PTCH1: variants seen among roughly 807,000 people sequenced by gnomAD.
PTCH1 encodes protein patched homolog 1.
Under a neutral mutation model 144.6 loss-of-function variants are expected in PTCH1, and 14 were observed. That is an observed-to-expected ratio of 0.10 (90% confidence interval 0.06 to 0.15). The LOEUF (loss-of-function observed/expected upper bound fraction) is 0.15. PTCH1 is among the 10% of genes least tolerant of loss of function. The probability of loss-of-function intolerance (pLI) is 1.00; values close to 1 mark genes in which losing one functional copy is unlikely to be tolerated. For missense variants in PTCH1, 1,623 were observed against 1,948.3 expected (o/e 0.83, Z 3.14); for synonymous variants, 833 against 793.6 (o/e 1.05, Z -0.83).
intron 2 of PTCH1, among the ~76,000 whole-genome samples, chr9:95,496,081 C>T (rs551693226): frequency 6.6e-6 from 1 of 152,314 alleles, no homozygotes; most frequent in East Asian, 1.9e-4. Flanking sequence ...GCTTTGGCGG[C>T]CCTGACCTGC....
intron 5 of PTCH1, 34 bp downstream of exon 5, chr9:95,481,915 T>C (rs771502171): frequency 6.5e-7 from 1 of 1,532,968 alleles, no homozygotes; most frequent in Non-Finnish European, 9.0e-7. Context: ...CCTAGAGAAG[T>C]CACAGACATC....
intron 1 of PTCH1, chr9:95,507,349 CTCCCCGGCGCGGCATT>C (rs1030015199): frequency 6.4e-5 from 63 of 985,530 alleles, no homozygotes; most frequent in African/African-American, 4.9e-4. Context: ...GCGCAGGCTG[CTCCCCGGCGCGGCATT>C]TCCCCGGCGC....
intron 1 of PTCH1, chr9:95,514,647 T>TGTGTGTGTGAGAGAGA (rs56689083): frequency 4.0e-5 from 6 of 148,800 alleles, no homozygotes; most frequent in African/African-American, 1.5e-4. Context: ...TGTGTGTGTG[T>TGTGTGTGTGAGAGAGA]GAGAGAGAGA....
At chr9:95,474,382 C>T (rs3824488) in intron 12 of PTCH1, among the ~76,000 whole-genome samples, 9,876 of 152,170 alleles carry the variant, frequency 0.065, 454 homozygotes, top group Non-Finnish European at 0.094. Context: ...CGCACAAAGG[C>T]ATTCTACAAC....
rs116438693 is a variant in PTCH1 at position 95,507,319 on chromosome 9, A to G, written c.202-720T>C. On this transcript the variant is annotated intron_variant, in intron 1 of 23. Transcript: ENST00000331920. ...TTAAACGTAAAAAACAGCCGAGTGC[A>G]AAGGGAAGGGCTCAGGCCGGCGCAG... 14 of 985,378 alleles carry G rather than the reference A, an allele frequency of 1.4e-5. No individual in the cohort carries two copies. In the South Asian group the frequency reaches 6.6e-4, roughly 46 times the overall value. The allele number at this position is 985,378 out of a possible 1,614,324, so 61.0% of individuals were successfully genotyped here. A position where few individuals can be genotyped will look rare whatever the true frequency, so the allele number is the denominator to read the frequency against.
At chr9:95,478,306 A>C in intron 8 of PTCH1, 120 bp from the exon 9 acceptor site, 1 of 1,461,192 alleles carries the variant, frequency 6.8e-7, no homozygotes, top group Non-Finnish European at 9.5e-7. Context: ...TTTTTTAAAA[A>C]AGTTCTACGT....
intron 23 of PTCH1, 113 bp downstream of exon 23, chr9:95,446,798 G>A: frequency 7.2e-7 from 1 of 1,388,460 alleles, no homozygotes; most frequent in African/African-American, 1.4e-5. Flanking sequence ...GGTCCAGCGT[G>A]GGATGTGCCC....
intron 3 of PTCH1, 131 bp downstream of exon 3, chr9:95,485,554 G>T: frequency 9.2e-7 from 1 of 1,088,180 alleles, no homozygotes; most frequent in Non-Finnish European, 1.3e-6. Context: ...TCATTGCAAA[G>T]CTATTTGAAC....
rs1266956617 is a variant in PTCH1, at chr9:95,443,154, A to C, written c.*3239T>G. The C allele has an allele frequency of 1.3e-5, 2 of 152,208 alleles. No homozygotes were observed. The highest frequency in any genetic ancestry group is 4.8e-5 in the African/African-American group (2 of 41,452). The allele number at this position is 152,208 out of a possible 1,614,324, so 9.4% of individuals were successfully genotyped here. ...GATAAGAAATTAATTAATGGGTACA[A>C]TGTACACTATTTGGGTGATGATCAC... On this transcript the variant is annotated 3_prime_UTR_variant, in exon 24 of 24. Transcript: ENST00000331920.
intron 2 of PTCH1, 126 bp downstream of exon 2, chr9:95,506,281 C>A: frequency 8.9e-7 from 1 of 1,126,996 alleles, no homozygotes. Flanking sequence ...AATAAACAAT[C>A]CCCCGGGTGC....
chr9:95,480,702 G>A lies in PTCH1; in HGVS notation c.747-114C>T, dbSNP rs2297088. ...GTAGGAGGTTCCTGGCAATGCTGCA[G>A]TTCTGGGACTCTGGCATCAAAACAA... On this transcript the variant is annotated intron_variant, in intron 5 of 23. Transcript: ENST00000331920. 386,074 of 1,052,920 alleles carry A rather than the reference G, an allele frequency of 0.37. 75,016 individuals carry two copies. Among genetic ancestry groups the A allele is most frequent in the African/African-American group, 0.66 (41,980 of 63,384 alleles). The allele number at this position is 1,052,920 out of a possible 1,614,324, so 65.2% of individuals were successfully genotyped here. A position where few individuals can be genotyped will look rare whatever the true frequency, so the allele number is the denominator to read the frequency against.
Position 95,445,427 on chromosome 9 carries a change from A to G in PTCH1, c.*966T>C, listed in dbSNP as rs1248460601. On this transcript the variant is annotated 3_prime_UTR_variant, in exon 24 of 24. Transcript: ENST00000331920. ...TAGGCATGTCACCGAATTCTCTAAC[A>G]CCCACCATGATGAACTGATGTGAGC... 1 of 152,044 alleles carries G rather than the reference A, an allele frequency of 6.6e-6. No homozygotes were observed. The highest frequency in any genetic ancestry group is 2.4e-5 in the African/African-American group (1 of 41,358). The allele number at this position is 152,044 out of a possible 1,614,324, so 9.4% of individuals were successfully genotyped here.
chr9:95,489,269 T>C (rs746777394), intron 2 of PTCH1, among the ~76,000 whole-genome samples: 4 of 152,332 alleles, frequency 2.6e-5, no homozygotes, highest in South Asian at 2.1e-4. Context: ...AGTGTGAAGC[T>C]TTGAGCTCAG....
intron 6 of PTCH1, 73 bp from the exon 7 acceptor site, chr9:95,480,163 AT>A: frequency 6.2e-7 from 1 of 1,603,546 alleles, no homozygotes; most frequent in Non-Finnish European, 8.5e-7. Context: ...AATCCAGTGC[AT>A]TAAGGGCTTG....
chr9:95,476,190 T>C lies in PTCH1; in HGVS notation c.1603-31A>G. 2.5e-6 allele frequency: 4 copies of C among 1,601,906 alleles called. No homozygotes were observed. The highest frequency in any genetic ancestry group is 2.6e-6 in the Non-Finnish European group (3 of 1,175,290). On this transcript the variant is annotated intron_variant, in intron 11 of 23. Transcript: ENST00000331920. The surrounding 1 kb of genome is among the most constrained non-coding windows in gnomAD (Gnocchi z 4.6). Reference sequence around the variant, plus strand: ...AATAAAAAAACACAGCGCTGAGAGCTGCACTGGACATGGTCCCCTTGGAGC... The same window carrying C: ...AATAAAAAAACACAGCGCTGAGAGCCGCACTGGACATGGTCCCCTTGGAGC...
upstream of PTCH1, among the ~76,000 whole-genome samples, chr9:95,510,750 A>G (rs1252448215): frequency 6.0e-5 from 9 of 149,900 alleles, no homozygotes; most frequent in South Asian, 2.1e-4. Flanking sequence ...AAGAAGAAAG[A>G]AAGGAAAGGA....
chr9:95,507,917 C>G (rs545537066), intron 1 of PTCH1: 2 of 1,391,668 alleles, frequency 1.4e-6, no homozygotes, highest in Admixed American at 4.8e-5. Flanking sequence ...CACACACACA[C>G]ACGCACACAC....
At chr9:95,470,618 T>G (rs1038142256) in intron 12 of PTCH1, among the ~76,000 whole-genome samples, 8 of 152,142 alleles carry the variant, frequency 5.3e-5, no homozygotes, top group Non-Finnish European at 5.9e-5. Flanking sequence ...TGGCAAATCT[T>G]CTGCTGACCT....
intron 1 of PTCH1, among the ~76,000 whole-genome samples, chr9:95,515,753 C>A (rs1330857273): frequency 6.6e-6 from 1 of 152,224 alleles, no homozygotes; most frequent in East Asian, 1.9e-4. Context: ...ATAAGAGTCA[C>A]ACACACCACC....
Sources: gnomAD v4.1 joint callset for allele counts (sites outside exome capture counted in the v4.1 genomes callset) on GRCh38, gnomAD v4.1.1 for gene constraint, Gnocchi (gnomAD v3.1) non-coding constraint, MANE v1.5 for transcripts, NCBI Gene and HGNC (gene_info 2026-07-23, HGNC 2026-07-21) for gene names.